LPP: variants seen among roughly 807,000 people sequenced by gnomAD.
LPP encodes the protein LIM domain containing preferred translocation partner in lipoma.
LPP carries 38 observed loss-of-function variants against 60.4 expected under a neutral mutation model. That is an observed-to-expected ratio of 0.63 (90% CI 0.49 to 0.83). The LOEUF (loss-of-function observed/expected upper bound fraction) is 0.83. Among genes scored for constraint, LPP ranks in the 40% least tolerant of loss-of-function variants. LPP has a pLI of 0.00. For missense variants in LPP, 902 were observed against 783.6 expected (o/e 1.15, Z -1.80); for synonymous variants, 328 against 290.8 (o/e 1.13, Z -1.30).
chr3:188,351,081 T>A, intron 3 of LPP, among the ~76,000 whole-genome samples: 1 of 152,196 alleles, frequency 6.6e-6, no homozygotes, highest in Non-Finnish European at 1.5e-5. Context: ...TCCACCCCCA[T>A]CTCATCCCTC....
chr3:188,602,880 C>G (rs1841681360), intron 6 of LPP, among the ~76,000 whole-genome samples: 1 of 151,724 alleles, frequency 6.6e-6, no homozygotes. Flanking sequence ...CTCCCAAGTT[C>G]CAGTGCACAA....
intron 8 of LPP, among the ~76,000 whole-genome samples, chr3:188,754,058 C>G (rs576083139): frequency 6.6e-6 from 1 of 152,242 alleles, no homozygotes; most frequent in East Asian, 1.9e-4. Flanking sequence ...ATAGTGAGAA[C>G]TCAGTTTGAT....
chr3:188,707,159 AT>A (rs933827604), intron 7 of LPP, among the ~76,000 whole-genome samples: 42 of 148,778 alleles, frequency 2.8e-4, no homozygotes, highest in African/African-American at 7.4e-4. Flanking sequence ...TTATTTTTTA[AT>A]TTTTTTTTTA....
chr3:188,694,481 T>C (rs1862780818), intron 7 of LPP, among the ~76,000 whole-genome samples: 1 of 152,052 alleles, frequency 6.6e-6, no homozygotes, highest in Non-Finnish European at 1.5e-5. Context: ...GGCAGGTGGA[T>C]CACCTGAGGT....
In LPP at chr3:188,708,434, G is replaced by T. The variant is rs767418247; in HGVS notation, c.1240+41G>T. 17 of 1,613,942 alleles carry T rather than the reference G, an allele frequency of 1.1e-5. No homozygotes were observed. In the South Asian group the frequency reaches 1.9e-4, roughly 18 times the overall value. The stretch of plus-strand genomic sequence containing the variant: ...AGCTGACTTCTGAAGTAACTATCTT[G>T]CTCTGATTTCCTTCCTTAGTAATTG... On this transcript the variant is annotated intron_variant, in intron 8 of 11. Coordinates refer to ENST00000617246, the MANE Select transcript of LPP (RefSeq NM_001375462.1).
intron 8 of LPP, among the ~76,000 whole-genome samples, chr3:188,744,765 A>G (rs1725587037): frequency 6.6e-6 from 1 of 152,150 alleles, no homozygotes; most frequent in South Asian, 2.1e-4. Flanking sequence ...TAAAATGTAT[A>G]TATGGTCATC....
At chr3:188,270,886 A>G (rs1362386608) in intron 2 of LPP, among the ~76,000 whole-genome samples, 2 of 152,234 alleles carry the variant, frequency 1.3e-5, no homozygotes, top group East Asian at 3.8e-4. Context: ...GTCAGCAGAC[A>G]TGGGTTCTCA....
chr3:188,779,676 T>C (rs1004558141), intron 9 of LPP, among the ~76,000 whole-genome samples: 1 of 152,008 alleles, frequency 6.6e-6, no homozygotes, highest in Non-Finnish European at 1.5e-5. Flanking sequence ...GTAATTCCAA[T>C]GATGGGAAAT....
intron 2 of LPP, among the ~76,000 whole-genome samples, chr3:188,338,568 A>G (rs1762274429): frequency 6.6e-6 from 1 of 152,200 alleles, no homozygotes; most frequent in Admixed American, 6.5e-5. Context: ...TGCAACTTCT[A>G]ATCAAAAGAT....
intron 4 of LPP, among the ~76,000 whole-genome samples, chr3:188,433,441 A>C (rs904160391): frequency 3.3e-5 from 5 of 152,130 alleles, no homozygotes; most frequent in African/African-American, 9.7e-5. Flanking sequence ...CATAAGAGAA[A>C]GGGAAGTAAT....
intron 4 of LPP, among the ~76,000 whole-genome samples, chr3:188,462,173 T>G (rs909762577): frequency 6.6e-6 from 1 of 152,112 alleles, no homozygotes; most frequent in Non-Finnish European, 1.5e-5. Context: ...TCAGTCACTG[T>G]GCTAAATTCT....
At chr3:188,421,565 C>T (rs1323081408) in intron 4 of LPP, among the ~76,000 whole-genome samples, 2 of 152,136 alleles carry the variant, frequency 1.3e-5, no homozygotes, top group African/African-American at 4.8e-5. Context: ...GAAAATACCC[C>T]ATTTAGTGCT....
chr3:188,839,603 T>C (rs2151711253), intron 9 of LPP, among the ~76,000 whole-genome samples: 2 of 152,218 alleles, frequency 1.3e-5, no homozygotes, highest in South Asian at 4.1e-4. Flanking sequence ...AAATCTTACA[T>C]AGCCCATTAA....
At chr3:188,478,150 A>G (rs1047049749) in intron 4 of LPP, among the ~76,000 whole-genome samples, 4 of 152,126 alleles carry the variant, frequency 2.6e-5, no homozygotes, top group African/African-American at 9.7e-5. Context: ...TCTTTAAGGG[A>G]CCTTGTTCAG....
intron 7 of LPP, among the ~76,000 whole-genome samples, chr3:188,680,188 C>A (rs546247670): frequency 1.3e-5 from 2 of 152,224 alleles, no homozygotes; most frequent in South Asian, 4.1e-4. Context: ...CCTTTCCAAC[C>A]TTCATGAAAA....
In LPP at chr3:188,216,613, G is replaced by A. The variant is rs146616786; in HGVS notation, c.-189-8792G>A. On this transcript the variant is annotated intron_variant, in intron 1 of 11. Transcript: ENST00000617246. ...CAATGTTTCATCTGGGCAATGCCCT[G>A]CCCCTTTCTGAGTCTCACTTTTCTC... is the stretch of plus-strand genomic sequence containing the variant. Among the ~76,000 whole-genome samples, 292 of 152,224 alleles carry A rather than the reference G, an allele frequency of 1.9e-3. 3 individuals are homozygous for A. Among genetic ancestry groups the A allele is most frequent in the African/African-American group, 6.7e-3 (279 of 41,534 alleles).
rs200913981 is a variant in LPP at position 188,841,390 on chromosome 3, TTTG to T, written c.1411-24807_1411-24805del. Among the ~76,000 whole-genome samples the T allele has an allele frequency of 7.7e-3, 924 of 119,906 alleles. 11 individuals carry two copies. The highest frequency in any genetic ancestry group is 0.028 in the African/African-American group (864 of 30,502). The allele number at this position is 119,906 out of a possible 152,430, so 78.7% of individuals were successfully genotyped here. On this transcript the variant is annotated intron_variant, in intron 9 of 11. Transcript: ENST00000617246. ...TAGTTGGTCACCTGCCCTTTCTGAA[TTTG>T]TTTTTTTTTTTTTTTTTGAGATGGA...
rs115513897 is a variant in LPP, at chr3:188,618,729, A to T, written c.1113+8885A>T. On this transcript the variant is annotated intron_variant, in intron 7 of 11. Transcript: ENST00000617246. Reference sequence around the variant, plus strand: ...AAGAGTTAAGGAGCTGAAACTGTGCATACCCTAAGTCTGAATTCAAGGTAA... The same window carrying T: ...AAGAGTTAAGGAGCTGAAACTGTGCTTACCCTAAGTCTGAATTCAAGGTAA... Among the ~76,000 whole-genome samples, 1,124 of 152,362 alleles carry T rather than the reference A, an allele frequency of 7.4e-3. 12 individuals are homozygous for T. Among genetic ancestry groups the T allele is most frequent in the African/African-American group, 0.025 (1,053 of 41,592 alleles).
intron 2 of LPP, among the ~76,000 whole-genome samples, chr3:188,297,088 G>A (rs1269944690): frequency 6.6e-6 from 1 of 152,188 alleles, no homozygotes; most frequent in Non-Finnish European, 1.5e-5. Context: ...GCCACAATAT[G>A]GAAGTGAAAA....
Sources: gnomAD v4.1 joint callset for allele counts (sites outside exome capture counted in the v4.1 genomes callset) on GRCh38, gnomAD v4.1.1 for gene constraint, MANE v1.5 for transcripts, NCBI Gene and HGNC (gene_info 2026-07-23, HGNC 2026-07-21) for gene names.